The following CGGBP1 variants were observed in gnomAD, a reference collection of about 807,000 sequenced individuals.
CGGBP1 encodes CGG triplet repeat-binding protein 1.
In CGGBP1, 4 loss-of-function variants were observed where a neutral mutation model predicts 11.4. That is an observed-to-expected ratio of 0.35 (90% confidence interval 0.17 to 0.80). CGGBP1 has a LOEUF of 0.80. CGGBP1 is among the 30% of genes least tolerant of loss of function. The probability of loss-of-function intolerance (pLI) is 0.52; values close to 1 mark genes in which losing one functional copy is unlikely to be tolerated. For synonymous variants in CGGBP1, 76 were observed against 74.1 expected, an observed-to-expected ratio of 1.03 and a Z score of -0.13; for missense variants, 135 against 202.1, an observed-to-expected ratio of 0.67 and a Z score of 2.01.
At chr3:88,138,104 A>AT (rs1706908754) in intron 2 of CGGBP1, among the ~76,000 whole-genome samples, 1 of 152,148 alleles carries the variant, frequency 6.6e-6, no homozygotes, top group Admixed American at 6.6e-5. Flanking sequence ...CAGGGGGCTC[A>AT]TTATTCTGAG....
At chr3:88,098,516 G>A (rs1209829413) in intron 2 of CGGBP1, among the ~76,000 whole-genome samples, 1 of 152,260 alleles carries the variant, frequency 6.6e-6, no homozygotes, top group Middle Eastern at 3.4e-3. Flanking sequence ...AAGCCTGGCA[G>A]AGACACAACA....
At chr3:88,120,460 G>C (rs1249991794) in intron 2 of CGGBP1, among the ~76,000 whole-genome samples, 2 of 152,188 alleles carry the variant, frequency 1.3e-5, no homozygotes, top group East Asian at 3.8e-4. Context: ...TTGGTGATCT[G>C]AGTGGTAGTC....
Position 88,065,262 on chromosome 3 carries a change from G to A in CGGBP1, c.-228-7039C>T, listed in dbSNP as rs1237672267. Among the ~76,000 whole-genome samples the A allele has an allele frequency of 3.3e-5, 5 of 152,190 alleles. No individual in the cohort carries two copies. The East Asian group carries it at 9.6e-4, about 29-fold the overall frequency. On this transcript the variant is annotated intron_variant, in intron 2 of 3. Transcript: ENST00000462901. ...CTTAGATGTTGACGGCTGTATTTGG[G>A]GAGCTAAATCCTTTTTTTTTTGTTA...
chr3:88,074,755 T>C lies in CGGBP1; in HGVS notation c.-228-16532A>G, dbSNP rs578199105. Among the ~76,000 whole-genome samples the C allele has an allele frequency of 5.1e-4, 78 of 152,328 alleles. 1 individual carries two copies. In the South Asian group the frequency reaches 0.012, roughly 24 times the overall value. On this transcript the variant is annotated intron_variant, in intron 2 of 3. Coordinates refer to the CGGBP1 transcript ENST00000462901. The stretch of plus-strand genomic sequence containing the variant: ...ACTAATATTTCTGTCAACTATACTA[T>C]GTACTAAATTCAGGGAATTACTTTT...
intron 2 of CGGBP1, among the ~76,000 whole-genome samples, chr3:88,102,270 C>T (rs1487532525): frequency 2.6e-5 from 4 of 152,088 alleles, no homozygotes; most frequent in African/African-American, 7.2e-5. Flanking sequence ...TTTTAGAAAC[C>T]ACTATTGTGT....
At chr3:88,096,865 T>C (rs1177311947) in intron 2 of CGGBP1, among the ~76,000 whole-genome samples, 6 of 152,156 alleles carry the variant, frequency 3.9e-5, no homozygotes, top group Non-Finnish European at 8.8e-5. Flanking sequence ...TCATGAGTTT[T>C]CCTTTCAGAT....
At chr3:88,122,183 C>A (rs1705809177) in intron 2 of CGGBP1, among the ~76,000 whole-genome samples, 1 of 151,934 alleles carries the variant, frequency 6.6e-6, no homozygotes, top group Admixed American at 6.6e-5. Flanking sequence ...GATTTAGATA[C>A]GTTCATGGAA....
intron 2 of CGGBP1, among the ~76,000 whole-genome samples, chr3:88,116,717 T>C (rs1325023544): frequency 6.6e-6 from 1 of 152,020 alleles, no homozygotes; most frequent in Non-Finnish European, 1.5e-5. Flanking sequence ...GCCAGCCCCA[T>C]TACCCAGAGG....
At chr3:88,094,371 G>T (rs1703932035) in intron 2 of CGGBP1, among the ~76,000 whole-genome samples, 2 of 152,044 alleles carry the variant, frequency 1.3e-5, no homozygotes, top group African/African-American at 2.4e-5. Flanking sequence ...GAGTAAAGTG[G>T]TTGGGACTAT....
chr3:88,064,105 T>G (rs900281331), intron 2 of CGGBP1, among the ~76,000 whole-genome samples: 10 of 67,960 alleles, frequency 1.5e-4, no homozygotes, highest in Admixed American at 3.6e-4. Flanking sequence ...ATAACGAGCT[T>G]CTTCTTTTTT....
In CGGBP1 at chr3:88,075,429, G is replaced by A. The variant is rs535039940; in HGVS notation, c.-228-17206C>T. ...GGCCTATCATAAAAACACTCTTTTT[G>A]TGCCCTCATATTTGTATTATTTGGA... is the stretch of plus-strand genomic sequence containing the variant. On this transcript the variant is annotated intron_variant, in intron 2 of 3. Transcript: ENST00000462901. Among the ~76,000 whole-genome samples, 4 of 152,210 alleles carry A rather than the reference G, an allele frequency of 2.6e-5. No homozygotes were observed. In the East Asian group the frequency reaches 7.7e-4, roughly 29 times the overall value.
intron 2 of CGGBP1, among the ~76,000 whole-genome samples, chr3:88,065,665 G>T (rs776497842): frequency 4.0e-5 from 6 of 151,558 alleles, no homozygotes; most frequent in Non-Finnish European, 7.4e-5. Context: ...TATAATCAAA[G>T]AAAAAATAAA....
At chr3:88,079,660 A>G (rs1008119956) in intron 2 of CGGBP1, among the ~76,000 whole-genome samples, 19 of 152,038 alleles carry the variant, frequency 1.2e-4, no homozygotes, top group African/African-American at 4.3e-4. Flanking sequence ...GGTAGGTTGG[A>G]CTAGATAATC....
chr3:88,144,586 C>G (rs987243539), intron 1 of CGGBP1: 1 of 152,282 alleles, frequency 6.6e-6, no homozygotes, highest in African/African-American at 2.4e-5. Flanking sequence ...TGCAATAAAT[C>G]AACAATAGTG....
chr3:88,080,452 A>G (rs796187440), intron 2 of CGGBP1, among the ~76,000 whole-genome samples: 11 of 152,242 alleles, frequency 7.2e-5, no homozygotes, highest in African/African-American at 2.6e-4. Flanking sequence ...ATATTTTAAT[A>G]TATGTCTTAT....
rs1706439749 is a variant in CGGBP1, at chr3:88,052,045, AAGTC to A, written c.*3424_*3427del. On this transcript the variant is annotated 3_prime_UTR_variant, in exon 4 of 4. Transcript: ENST00000482016. ...CAATTTTTCTGAAATTTATTTCTAAAAGTCAGAGACAAAACTTTAGAAGTGACAC... is the reference window on the plus strand; with the variant it reads ...CAATTTTTCTGAAATTTATTTCTAAAAGAGACAAAACTTTAGAAGTGACAC... The A allele has an allele frequency of 6.5e-6, 1 of 152,672 alleles. No individual in the cohort carries two copies. The highest frequency in any genetic ancestry group is 1.5e-5 in the Non-Finnish European group (1 of 68,044). The allele number at this position is 152,672 out of a possible 1,614,324, so 9.5% of individuals were successfully genotyped here.
chr3:88,109,780 G>A (rs1013149191), intron 2 of CGGBP1, among the ~76,000 whole-genome samples: 4 of 152,012 alleles, frequency 2.6e-5, no homozygotes, highest in African/African-American at 7.2e-5. Context: ...TTTTATAAAT[G>A]TATAAACTGA....
rs1423819355 is a variant in CGGBP1, at chr3:88,058,056, C to A, written c.-163G>T. On this transcript the variant is annotated 5_prime_UTR_variant, in exon 2 of 4. Transcript: ENST00000482016. The stretch of plus-strand genomic sequence containing the variant: ...CAGTTTTTTTCGTCTTGATACTTAG[C>A]AGGGAATGGTCTCCAGAGCGAAACC... 1.3e-5 allele frequency: 2 copies of A among 152,176 alleles called. No homozygotes were observed. The highest frequency in any genetic ancestry group is 2.9e-5 in the Non-Finnish European group (2 of 68,030). 9.4% of individuals were successfully genotyped at this position (152,176 alleles called of 1,614,324 possible).
At chr3:88,139,938 T>G in intron 2 of CGGBP1, 1 of 1,613,676 alleles carries the variant, frequency 6.2e-7, no homozygotes, top group Non-Finnish European at 8.5e-7. Flanking sequence ...TGTCCGGATA[T>G]TTAAAAGAAT....
Sources: gnomAD v4.1 joint callset for allele counts (sites outside exome capture counted in the v4.1 genomes callset) on GRCh38, gnomAD v4.1.1 for gene constraint, MANE v1.5 for transcripts, NCBI Gene and HGNC (gene_info 2026-07-23, HGNC 2026-07-21) for gene names.